The following CRPPA variants were observed in gnomAD, a reference collection of about 807,000 sequenced individuals.
The protein encoded by CRPPA is D-ribitol-5-phosphate cytidylyltransferase.
CRPPA carries 43 observed loss-of-function variants against 52.0 expected under a neutral mutation model. The observed-to-expected ratio is 0.83, with a 90% CI of 0.65 to 1.07. The LOEUF is 1.07. Ranked by LOEUF, CRPPA falls within the 50% of genes least tolerant of loss-of-function variation. CRPPA has a pLI of 0.00. For missense variants in CRPPA, 629 were observed against 551.7 expected (o/e 1.14, Z -1.40); for synonymous variants, 250 against 203.5 (o/e 1.23, Z -1.94).
chr7:16,369,156 T>A (rs371609987), intron 3 of CRPPA, among the ~76,000 whole-genome samples: 4 of 152,118 alleles, frequency 2.6e-5, no homozygotes, highest in African/African-American at 9.7e-5. Flanking sequence ...GCTGGGAGCA[T>A]CGGCAAGCTA....
chr7:16,327,743 A>T (rs6977050), intron 3 of CRPPA, among the ~76,000 whole-genome samples: 24,938 of 152,048 alleles, frequency 0.16, 2,588 homozygotes, highest in South Asian at 0.42. Flanking sequence ...TGTGGCTTTT[A>T]TCTTAAAATT....
chr7:16,253,879 A>G (rs1353007089), intron 8 of CRPPA, among the ~76,000 whole-genome samples: 1 of 152,176 alleles, frequency 6.6e-6, no homozygotes, highest in Non-Finnish European at 1.5e-5. Context: ...AAGAAGTTAA[A>G]CAAATTTACA....
intron 9 of CRPPA, among the ~76,000 whole-genome samples, chr7:16,127,629 A>G (rs1316324761): frequency 2.6e-5 from 4 of 152,098 alleles, no homozygotes; most frequent in Admixed American, 2.6e-4. Flanking sequence ...AATCATAATC[A>G]CAATAGCCAA....
intron 8 of CRPPA, among the ~76,000 whole-genome samples, chr7:16,238,502 A>G (rs1783010130): frequency 6.6e-6 from 1 of 152,206 alleles, no homozygotes; most frequent in African/African-American, 2.4e-5. Flanking sequence ...TGATGAAAAA[A>G]TATTTTGTAA....
chr7:16,384,089 A>G (rs1409094749), intron 2 of CRPPA, among the ~76,000 whole-genome samples: 2 of 151,888 alleles, frequency 1.3e-5, no homozygotes, highest in Non-Finnish European at 2.9e-5. Flanking sequence ...CTTCTGCGTC[A>G]CTCAGGCTGG....
chr7:16,397,298 C>T (rs1787618134), intron 2 of CRPPA, among the ~76,000 whole-genome samples: 1 of 152,182 alleles, frequency 6.6e-6, no homozygotes, highest in Admixed American at 6.5e-5. Context: ...TGACAAGTCA[C>T]TGACATGTAA....
At chr7:16,350,416 G>A (rs956201636) in intron 3 of CRPPA, among the ~76,000 whole-genome samples, 3 of 151,970 alleles carry the variant, frequency 2.0e-5, no homozygotes, top group Non-Finnish European at 4.4e-5. Context: ...ACTATTCAAA[G>A]CACCTAAAGC....
intron 3 of CRPPA, among the ~76,000 whole-genome samples, chr7:16,315,221 C>A (rs1785119831): frequency 6.6e-6 from 1 of 152,058 alleles, no homozygotes; most frequent in Non-Finnish European, 1.5e-5. Context: ...CTTTTTGGTT[C>A]TTTCCATTTC....
At chr7:16,338,917 G>A (rs1320778865) in intron 3 of CRPPA, among the ~76,000 whole-genome samples, 5 of 148,806 alleles carry the variant, frequency 3.4e-5, no homozygotes, top group South Asian at 2.1e-4. Flanking sequence ...ACAGGTTCAC[G>A]CCATTCCTCT....
At chr7:16,401,489 C>G (rs781080755) in intron 2 of CRPPA, among the ~76,000 whole-genome samples, 24 of 152,122 alleles carry the variant, frequency 1.6e-4, no homozygotes, top group Non-Finnish European at 3.1e-4. Context: ...ACTAGAGGTG[C>G]TGGAGTACAA....
Position 16,158,041 on chromosome 7 carries a change from AT to A in CRPPA, c.1251+58024del, listed in dbSNP as rs750989831. Among the ~76,000 whole-genome samples, 555 of 136,680 alleles carry A rather than the reference AT, an allele frequency of 4.1e-3. 1 individual carries two copies. Among genetic ancestry groups the A allele is most frequent in the Middle Eastern group, 7.6e-3 (2 of 264 alleles). The allele number at this position is 136,680 out of a possible 152,430, so 89.7% of individuals were successfully genotyped here. On this transcript the variant is annotated intron_variant, in intron 9 of 9. Coordinates refer to ENST00000407010, the MANE Select transcript of CRPPA (RefSeq NM_001101426.4). ...AGGCACGTGCCACCACGCCCAGCTA[AT>A]TTTTTTTTTTTTTTTTGTATTTTAG...
intron 9 of CRPPA, among the ~76,000 whole-genome samples, chr7:16,214,945 T>C (rs922365315): frequency 1.1e-4 from 16 of 152,168 alleles, no homozygotes; most frequent in African/African-American, 3.9e-4. Context: ...CATTTTGCAA[T>C]TCCATTATCC....
chr7:16,360,352 A>C (rs764262299), intron 3 of CRPPA, among the ~76,000 whole-genome samples: 9 of 152,198 alleles, frequency 5.9e-5, no homozygotes, highest in Non-Finnish European at 1.2e-4. Context: ...AAAAGGAAGA[A>C]AGAAAATATG....
Position 16,389,922 on chromosome 7 carries a change from A to T in CRPPA, c.535-13681T>A, listed in dbSNP as rs1360955277. The stretch of plus-strand genomic sequence containing the variant: ...GAACAAGCCTAGTATACAAAAAAAA[A>T]AAAAAAATATATATATATATATATA... On this transcript the variant is annotated intron_variant, in intron 2 of 9. Coordinates refer to ENST00000407010, the MANE Select transcript of CRPPA (RefSeq NM_001101426.4). 4.5e-3 allele frequency among the ~76,000 whole-genome samples: 279 copies of T among 62,204 alleles called. 1 individual carries two copies. Among genetic ancestry groups the T allele is most frequent in the Middle Eastern group, 0.014 (2 of 140 alleles). 40.8% of individuals were successfully genotyped at this position (62,204 alleles called of 152,430 possible).
chr7:16,397,864 C>T (rs1259850287), intron 2 of CRPPA, among the ~76,000 whole-genome samples: 1 of 152,192 alleles, frequency 6.6e-6, no homozygotes, highest in Non-Finnish European at 1.5e-5. Context: ...ACGTGATCAA[C>T]ACGTGTGTAA....
intron 8 of CRPPA, among the ~76,000 whole-genome samples, chr7:16,232,322 G>A (rs1782822048): frequency 6.6e-6 from 1 of 152,192 alleles, no homozygotes; most frequent in Non-Finnish European, 1.5e-5. Context: ...ATAAGGTCAT[G>A]AGCGCTTATG....
At chr7:16,264,039 G>T (rs182475982) in intron 6 of CRPPA, among the ~76,000 whole-genome samples, 1 of 151,982 alleles carries the variant, frequency 6.6e-6, no homozygotes, top group East Asian at 1.9e-4. Context: ...TTCCAGCTCA[G>T]TGTAATTCTT....
chr7:16,303,492 A>AT (rs1562619549), intron 4 of CRPPA, among the ~76,000 whole-genome samples: 1 of 106,166 alleles, frequency 9.4e-6, no homozygotes, highest in African/African-American at 2.7e-5. Flanking sequence ...AAAAAAAAAA[A>AT]AAAAAAAAAA....
intron 9 of CRPPA, among the ~76,000 whole-genome samples, chr7:16,203,858 T>C (rs115847672): frequency 0.022 from 3,279 of 152,258 alleles, 120 homozygotes; most frequent in African/African-American, 0.074. Context: ...CTGACATGCA[T>C]GGCTGCATTT....
Sources: gnomAD v4.1 joint callset for allele counts (sites outside exome capture counted in the v4.1 genomes callset) on GRCh38, gnomAD v4.1.1 for gene constraint, MANE v1.5 for transcripts, NCBI Gene and HGNC (gene_info 2026-07-23, HGNC 2026-07-21) for gene names.